Variants in NEK11 observed in about 807,000 individuals in gnomAD.
NEK11 encodes serine/threonine-protein kinase Nek11.
NEK11 carries 72 observed loss-of-function variants against 80.7 expected under a neutral mutation model. The observed-to-expected ratio is 0.89, with a 90% CI of 0.74 to 1.08. The LOEUF (loss-of-function observed/expected upper bound fraction) is 1.08. NEK11 is among the 50% of genes least tolerant of loss of function. The pLI is 0.00. For synonymous variants in NEK11, 251 were observed against 260.7 expected (o/e 0.96, Z 0.36); for missense variants, 764 against 763.6 (o/e 1.00, Z -0.01).
intron 17 of NEK11, among the ~76,000 whole-genome samples, chr3:131,311,609 GTAT>G (rs1236729754): frequency 3.3e-5 from 5 of 152,208 alleles, no homozygotes. Flanking sequence ...GCACCTTGTT[GTAT>G]TCTGTGGTGT....
intron 5 of NEK11, among the ~76,000 whole-genome samples, chr3:131,115,986 CTTT>C (rs2081148391): frequency 1.2e-5 from 1 of 80,894 alleles, no homozygotes; most frequent in Admixed American, 1.4e-4. Flanking sequence ...TTCTTTCTTT[CTTT>C]ATTATACTTT....
At chr3:131,165,824 T>C (rs2092164507) in intron 12 of NEK11, among the ~76,000 whole-genome samples, 1 of 152,212 alleles carries the variant, frequency 6.6e-6, no homozygotes, top group Non-Finnish European at 1.5e-5. Context: ...AACAAATGTG[T>C]GTATATCTAA....
intron 5 of NEK11, among the ~76,000 whole-genome samples, chr3:131,110,833 A>G (rs928705594): frequency 2.0e-5 from 3 of 152,222 alleles, no homozygotes; most frequent in Non-Finnish European, 2.9e-5. Context: ...GTAATTCGCC[A>G]TGTATCTTCT....
chr3:131,247,106 G>A (rs1406077746), intron 16 of NEK11, among the ~76,000 whole-genome samples: 1 of 152,106 alleles, frequency 6.6e-6, no homozygotes, highest in Non-Finnish European at 1.5e-5. Context: ...TTGCTGTGCA[G>A]AAGCTTTTTA....
At chr3:131,347,772 C>CTACCAATAT (rs1202903455) in intron 17 of NEK11, among the ~76,000 whole-genome samples, 3 of 152,130 alleles carry the variant, frequency 2.0e-5, no homozygotes, top group Non-Finnish European at 2.9e-5. Flanking sequence ...AATCCCATCT[C>CTACCAATAT]TACCAATATT....
chr3:131,048,662 A>C (rs1176518855), intron 3 of NEK11, among the ~76,000 whole-genome samples: 1 of 152,150 alleles, frequency 6.6e-6, no homozygotes, highest in Non-Finnish European at 1.5e-5. Flanking sequence ...TGCAGCAGCA[A>C]TCCGCTTCCT....
chr3:131,088,751 T>C lies in NEK11; in HGVS notation c.336+8163T>C, dbSNP rs183840726. 2.1e-4 allele frequency among the ~76,000 whole-genome samples: 32 copies of C among 152,306 alleles called. No individual in the cohort carries two copies. In the East Asian group the frequency reaches 5.8e-3, roughly 28 times the overall value. On this transcript the variant is annotated intron_variant, in intron 4 of 17. Transcript: ENST00000383366. ...TACTAACTAAACTCAAGATGTTCAT[T>C]TATATTATTAGAAATGAAAATCATA...
intron 5 of NEK11, among the ~76,000 whole-genome samples, chr3:131,124,153 C>T (rs185967631): frequency 1.7e-3 from 253 of 152,244 alleles, no homozygotes; most frequent in African/African-American, 5.8e-3. Flanking sequence ...TCACTCCCCC[C>T]TTTTTTTGTC....
At chr3:131,269,700 G>A (rs2096140976) in intron 16 of NEK11, among the ~76,000 whole-genome samples, 1 of 152,134 alleles carries the variant, frequency 6.6e-6, no homozygotes, top group Non-Finnish European at 1.5e-5. Flanking sequence ...CCATCCAAAA[G>A]TAGTTTTTGA....
intron 3 of NEK11, among the ~76,000 whole-genome samples, chr3:131,052,308 A>C (rs1409761986): frequency 1.3e-5 from 2 of 151,964 alleles, no homozygotes. Context: ...TTTGAGTTAT[A>C]TTAAATCTTT....
intron 17 of NEK11, among the ~76,000 whole-genome samples, chr3:131,287,276 T>C (rs976733425): frequency 1.3e-5 from 2 of 151,996 alleles, no homozygotes; most frequent in African/African-American, 4.8e-5. Flanking sequence ...TGTTTCTTTG[T>C]TTGTTTGTTT....
At chr3:131,281,512 G>T (rs1257117642) in intron 17 of NEK11, among the ~76,000 whole-genome samples, 1 of 152,116 alleles carries the variant, frequency 6.6e-6, no homozygotes, top group Non-Finnish European at 1.5e-5. Flanking sequence ...CCTAATGACG[G>T]ACATACGAGT....
intron 15 of NEK11, among the ~76,000 whole-genome samples, chr3:131,235,431 A>G (rs1024706743): frequency 6.6e-5 from 10 of 152,196 alleles, no homozygotes; most frequent in Admixed American, 2.0e-4. Context: ...AGTCCCATCC[A>G]ACTGTTTTGT....
intron 14 of NEK11, among the ~76,000 whole-genome samples, chr3:131,206,128 C>T (rs926839463): frequency 3.9e-5 from 6 of 152,300 alleles, no homozygotes; most frequent in Middle Eastern, 3.4e-3. Context: ...CACACCGTAA[C>T]GTGACCTGGT....
intron 14 of NEK11, among the ~76,000 whole-genome samples, chr3:131,224,565 T>C (rs978321426): frequency 6.6e-6 from 1 of 152,098 alleles, no homozygotes; most frequent in Non-Finnish European, 1.5e-5. Flanking sequence ...AGTGTACTCC[T>C]TCTACTTATT....
chr3:131,067,361 C>T (rs2072231429), intron 3 of NEK11, among the ~76,000 whole-genome samples: 1 of 152,160 alleles, frequency 6.6e-6, no homozygotes, highest in Non-Finnish European at 1.5e-5. Context: ...TGCATTATTT[C>T]ATATGTAAGT....
chr3:131,140,801 A>G (rs370688932), intron 7 of NEK11, among the ~76,000 whole-genome samples: 3 of 152,210 alleles, frequency 2.0e-5, no homozygotes, highest in African/African-American at 7.2e-5. Flanking sequence ...GAACTTCCAG[A>G]CCAGCAACTT....
intron 15 of NEK11, among the ~76,000 whole-genome samples, chr3:131,237,094 C>T (rs576454255): frequency 6.6e-6 from 1 of 152,150 alleles, no homozygotes; most frequent in African/African-American, 2.4e-5. Context: ...AATCCTAGCA[C>T]TTTGGGAGGC....
intron 17 of NEK11, among the ~76,000 whole-genome samples, chr3:131,295,453 G>A (rs949114605): frequency 6.6e-5 from 10 of 152,084 alleles, no homozygotes; most frequent in Admixed American, 5.2e-4. Flanking sequence ...TTTGGATTAG[G>A]GATACTCAAC....
Sources: allele counts gnomAD v4.1 joint callset (sites outside exome capture counted in the v4.1 genomes callset), GRCh38; gene constraint gnomAD v4.1.1; transcripts MANE v1.5; gene names NCBI Gene and HGNC (gene_info 2026-07-23, HGNC 2026-07-21).